The following ARHGEF4 variants were observed in gnomAD, a reference collection of about 807,000 sequenced individuals.
The protein encoded by ARHGEF4 is Rho guanine nucleotide exchange factor 4, also known as APC-stimulated guanine nucleotide exchange factor 1.
In ARHGEF4, 119 loss-of-function variants were observed where a neutral mutation model predicts 162.0. That is an observed-to-expected ratio of 0.73 (90% confidence interval 0.63 to 0.86). The LOEUF (loss-of-function observed/expected upper bound fraction) is 0.86, where lower values mean the gene tolerates loss of function less well. Ranked by LOEUF, ARHGEF4 falls within the 40% of genes least tolerant of loss-of-function variation. ARHGEF4 has a pLI of 0.00. For missense variants in ARHGEF4, 2,488 were observed against 2,456.0 expected (o/e 1.01, Z -0.28); for synonymous variants, 1,014 against 979.9 (o/e 1.03, Z -0.65).
chr2:130,842,776 G>T (rs892138444), intron 1 of ARHGEF4, among the ~76,000 whole-genome samples: 1 of 152,124 alleles, frequency 6.6e-6, no homozygotes, highest in Non-Finnish European at 1.5e-5. Flanking sequence ...TCTCTTACCC[G>T]CAGGGATCCT....
At chr2:130,867,176 C>T (rs1419570869) in intron 1 of ARHGEF4, among the ~76,000 whole-genome samples, 1 of 151,814 alleles carries the variant, frequency 6.6e-6, no homozygotes, top group African/African-American at 2.4e-5. Context: ...TTGGTAATGT[C>T]CCTGCTATCT....
chr2:130,926,048 C>CTTTCTTTCTTTCTTTCTCTTTCTT, intron 2 of ARHGEF4, among the ~76,000 whole-genome samples: 143 of 53,398 alleles, frequency 2.7e-3, no homozygotes, highest in Middle Eastern at 0.019. Flanking sequence ...TTCTTTCTTT[C>CTTTCTTTCTTTCTTTCTCTTTCTT]TCTTTCTTTC....
chr2:130,972,110 G>A (rs972402735), intron 4 of ARHGEF4, among the ~76,000 whole-genome samples: 9 of 152,188 alleles, frequency 5.9e-5, no homozygotes, highest in African/African-American at 2.2e-4. Context: ...GCAAGGCCTC[G>A]GGTTGTATAA....
intron 3 of ARHGEF4, among the ~76,000 whole-genome samples, chr2:130,936,065 CA>C (rs138097945): frequency 1.2e-4 from 17 of 146,620 alleles, no homozygotes; most frequent in Non-Finnish European, 1.8e-4. Context: ...AACTCCACCT[CA>C]AAAAAAAAAA....
intron 1 of ARHGEF4, among the ~76,000 whole-genome samples, chr2:130,852,122 C>T (rs1391047677): frequency 1.3e-5 from 2 of 152,236 alleles, no homozygotes; most frequent in South Asian, 2.1e-4. Context: ...GTTGGCTGAG[C>T]GCCTGCTCCA....
chr2:130,985,507 G>A (rs1686421006), intron 4 of ARHGEF4, among the ~76,000 whole-genome samples: 1 of 152,096 alleles, frequency 6.6e-6, no homozygotes, highest in South Asian at 2.1e-4. Flanking sequence ...TTATACAGCA[G>A]GGAAGAAAAG....
intron 4 of ARHGEF4, among the ~76,000 whole-genome samples, chr2:131,022,657 CAA>C (rs61532647): frequency 0.066 from 9,404 of 143,258 alleles, 964 homozygotes; most frequent in African/African-American, 0.22. Context: ...ACACATTATA[CAA>C]AAAAAAAAAA....
chr2:131,017,867 G>A (rs942565988), intron 4 of ARHGEF4, among the ~76,000 whole-genome samples: 5 of 152,158 alleles, frequency 3.3e-5, no homozygotes, highest in Non-Finnish European at 2.9e-5. Flanking sequence ...AGTTGTCTCC[G>A]AGTTGATACA....
intron 4 of ARHGEF4, 29 bp downstream of exon 4, chr2:130,946,664 T>G (rs747930947): frequency 1.9e-6 from 3 of 1,612,794 alleles, no homozygotes; most frequent in African/African-American, 2.7e-5. Flanking sequence ...TCTTTTGCTA[T>G]GTACTCTGGA....
Position 131,019,355 on chromosome 2 carries a change from T to C in ARHGEF4, c.3986-8590T>C, listed in dbSNP as rs184996968. Among the ~76,000 whole-genome samples the C allele has an allele frequency of 2.2e-3, 329 of 151,654 alleles. 2 individuals carry two copies. Among genetic ancestry groups the C allele is most frequent in the African/African-American group, 6.9e-3 (287 of 41,380 alleles). ...TGAACCCGGGAGGCGGAGGTTGCCG[T>C]GAGCTGAGATCGTGCCATTGCACTG... On this transcript the variant is annotated intron_variant, in intron 4 of 13. Transcript: ENST00000409359.
chr2:131,027,579 A>G (rs1689563575), intron 4 of ARHGEF4, among the ~76,000 whole-genome samples: 1 of 152,216 alleles, frequency 6.6e-6, no homozygotes, highest in Non-Finnish European at 1.5e-5. Context: ...TTGCATAACA[A>G]AATGTTAACA....
intron 1 of ARHGEF4, among the ~76,000 whole-genome samples, chr2:130,900,386 G>A (rs1475387055): frequency 1.3e-5 from 2 of 152,058 alleles, no homozygotes; most frequent in African/African-American, 4.8e-5. Context: ...TGAAGGTCTT[G>A]TTTGGTGTAT....
Position 130,915,926 on chromosome 2 carries a change from T to G in ARHGEF4, c.1980T>G (p.Pro660=). 1 of 1,550,536 alleles carries G rather than the reference T, an allele frequency of 6.4e-7. No individual in the cohort carries two copies. The highest frequency in any genetic ancestry group is 8.7e-7 in the Non-Finnish European group (1 of 1,146,970). Residue 660 remains proline, a synonymous_variant, in exon 2 of 14, where the codon CCT becomes CCG. Coordinates refer to ENST00000409359, the MANE Select transcript of ARHGEF4 (RefSeq NM_001367493.1). ...PVPETLPRDF[P]KERPESPLST... ...CAGAAACACTGCCCCGTGACTTTCC[T>G]AAGGAAAGACCAGAATCTCCCTTGA...
At chr2:130,856,587 G>C (rs1681801597) in intron 1 of ARHGEF4, among the ~76,000 whole-genome samples, 1 of 152,222 alleles carries the variant, frequency 6.6e-6, no homozygotes, top group Admixed American at 6.5e-5. Flanking sequence ...GTAATTATAA[G>C]AGATAGAGCA....
At chr2:131,041,720 A>G (rs1035440266) in intron 9 of ARHGEF4, 95 bp from the exon 10 acceptor site, 2 of 1,518,334 alleles carry the variant, frequency 1.3e-6, no homozygotes, top group African/African-American at 2.8e-5. Context: ...GCACAGCCCC[A>G]GAGGAAAGCA....
At chr2:131,045,307 G>A (rs1171931504) in intron 12 of ARHGEF4, 62 bp from the exon 13 acceptor site, 1 of 1,464,640 alleles carries the variant, frequency 6.8e-7, no homozygotes, top group Non-Finnish European at 9.5e-7. Flanking sequence ...GTGCAGGTGT[G>A]CAGGGAACTG....
intron 4 of ARHGEF4, among the ~76,000 whole-genome samples, chr2:130,995,416 C>T (rs559978860): frequency 2.6e-5 from 4 of 152,212 alleles, no homozygotes; most frequent in South Asian, 2.1e-4. Flanking sequence ...TGCCTTCTAC[C>T]TCCGTGAGCC....
chr2:130,879,263 C>A (rs1394246562), intron 1 of ARHGEF4, among the ~76,000 whole-genome samples: 2 of 152,164 alleles, frequency 1.3e-5, no homozygotes, highest in Non-Finnish European at 2.9e-5. Context: ...ATTTGGAATT[C>A]TTCTGTATGG....
At chr2:130,870,634 C>A (rs1678409722) in intron 1 of ARHGEF4, among the ~76,000 whole-genome samples, 1 of 152,130 alleles carries the variant, frequency 6.6e-6, no homozygotes, top group African/African-American at 2.4e-5. Flanking sequence ...GGGATGAAGC[C>A]AGGGTGGAAA....
Sources: allele counts gnomAD v4.1 joint callset (sites outside exome capture counted in the v4.1 genomes callset), GRCh38; gene constraint gnomAD v4.1.1; transcripts MANE v1.5; gene names NCBI Gene and HGNC (gene_info 2026-07-23, HGNC 2026-07-21).